The following VPS13B variants were observed in gnomAD, a reference collection of about 807,000 sequenced individuals.
The protein encoded by VPS13B is vacuolar protein sorting 13 homolog B.
A neutral mutation model predicts 426.4 loss-of-function variants in VPS13B; 285 were observed. The observed-to-expected ratio is 0.67, with a 90% CI of 0.61 to 0.74. The LOEUF is 0.74. Ranked by LOEUF, VPS13B falls within the 30% of genes least tolerant of loss-of-function variation. The probability of loss-of-function intolerance (pLI) is 0.00; values close to 1 mark genes in which losing one functional copy is unlikely to be tolerated. For synonymous variants in VPS13B, 1,676 were observed against 1,676.4 expected (o/e 1.00, Z 0.01); for missense variants, 4,537 against 4,782.6 (o/e 0.95, Z 1.51).
intron 3 of VPS13B, among the ~76,000 whole-genome samples, chr8:99,084,836 TG>T: frequency 6.6e-6 from 1 of 152,204 alleles, no homozygotes; most frequent in Non-Finnish European, 1.5e-5. Context: ...TTATAATTAC[TG>T]TTCTTTTACA....
intron 39 of VPS13B, among the ~76,000 whole-genome samples, chr8:99,747,140 T>C (rs953665941): frequency 6.6e-6 from 1 of 152,092 alleles, no homozygotes; most frequent in Non-Finnish European, 1.5e-5. Context: ...CACTAATGAA[T>C]TGAAACAGAA....
chr8:99,432,914 G>C (rs1372393375), intron 22 of VPS13B, among the ~76,000 whole-genome samples: 3 of 152,168 alleles, frequency 2.0e-5, no homozygotes, highest in Non-Finnish European at 4.4e-5. Context: ...ACTGTATTCA[G>C]AGAACATACT....
intron 36 of VPS13B, among the ~76,000 whole-genome samples, chr8:99,710,575 T>G: frequency 6.6e-6 from 1 of 152,162 alleles, no homozygotes; most frequent in East Asian, 1.9e-4. Context: ...AAAGGAAAAT[T>G]AATAACCCTG....
intron 19 of VPS13B, among the ~76,000 whole-genome samples, chr8:99,361,824 A>G (rs1420191440): frequency 6.6e-6 from 1 of 152,204 alleles, no homozygotes; most frequent in Non-Finnish European, 1.5e-5. Context: ...GATTATGATA[A>G]TAATGATGGA....
chr8:99,649,341 T>C (rs2133943928), intron 34 of VPS13B, among the ~76,000 whole-genome samples: 1 of 152,198 alleles, frequency 6.6e-6, no homozygotes, highest in South Asian at 2.1e-4. Context: ...CTCTTTCTCT[T>C]CTCCTTTTGG....
intron 17 of VPS13B, among the ~76,000 whole-genome samples, chr8:99,204,455 A>G (rs1814558073): frequency 6.6e-6 from 1 of 152,254 alleles, no homozygotes; most frequent in South Asian, 2.1e-4. Flanking sequence ...ACAGGCAAAG[A>G]CTTTGTGACT....
chr8:99,121,108 G>A (rs1460421115), intron 7 of VPS13B, 69 bp from the exon 8 acceptor site: 7 of 1,473,810 alleles, frequency 4.7e-6, no homozygotes, highest in Non-Finnish European at 6.4e-6. Context: ...AATTTTAAAG[G>A]ATGTCTATTT....
chr8:99,848,952 A>AC, intron 55 of VPS13B, 58 bp downstream of exon 55: 2 of 1,461,260 alleles, frequency 1.4e-6, no homozygotes, highest in Non-Finnish European at 1.9e-6. Context: ...ACAAAGTTGT[A>AC]AACTTAGTAT....
At chr8:99,463,470 A>G (rs1366431237) in intron 23 of VPS13B, among the ~76,000 whole-genome samples, 3 of 152,166 alleles carry the variant, frequency 2.0e-5, no homozygotes, top group African/African-American at 7.2e-5. Flanking sequence ...TTCATTTCAC[A>G]TTTCCTAACA....
At chr8:99,643,746 A>G (rs1028851406) in intron 34 of VPS13B, among the ~76,000 whole-genome samples, 1 of 152,158 alleles carries the variant, frequency 6.6e-6, no homozygotes, top group South Asian at 2.1e-4. Flanking sequence ...AAACTCAATC[A>G]TATCAGCTCT....
chr8:99,810,410 A>G (rs979112361), intron 44 of VPS13B, among the ~76,000 whole-genome samples: 3 of 152,226 alleles, frequency 2.0e-5, no homozygotes, highest in Admixed American at 6.5e-5. Context: ...TCCCCTATGG[A>G]GCAGCAGGGG....
At chr8:99,165,399 C>A (rs1811945503) in intron 15 of VPS13B, among the ~76,000 whole-genome samples, 1 of 152,030 alleles carries the variant, frequency 6.6e-6, no homozygotes, top group Non-Finnish European at 1.5e-5. Flanking sequence ...GCAAACCCAT[C>A]GTTTGAATAT....
chr8:99,438,827 G>T (rs1160007740), intron 22 of VPS13B, among the ~76,000 whole-genome samples: 1 of 152,130 alleles, frequency 6.6e-6, no homozygotes, highest in Non-Finnish European at 1.5e-5. Context: ...CCTATATACA[G>T]AGATAGTGAA....
chr8:99,778,897 T>C lies in VPS13B; in HGVS notation c.7645T>C (p.Phe2549Leu), dbSNP rs377498258. The C allele has an allele frequency of 7.4e-6, 12 of 1,613,920 alleles. No individual in the cohort carries two copies. The highest frequency in any genetic ancestry group is 5.3e-5 in the African/African-American group (4 of 74,936). ...MQSVVKPFSI[F>L]GQMAVSSDVV... ...AAGTGTGGTGAAACCCTTCAGCATC[T>C]TCGGGCAGATGGCAGTTTCCAGCGA... is the stretch of plus-strand genomic sequence containing the variant. The change falls in exon 42 of 62, where the codon TTC becomes CTC. Residue 2549 changes from phenylalanine to leucine, a missense_variant. By Grantham distance (22) the Phe-to-Leu change is conservative. This residue lies in a region of VPS13B where 4,311 missense variants were observed against 4,474.3 expected (regional missense o/e 0.96). Coordinates refer to ENST00000357162, the MANE Select transcript of VPS13B (RefSeq NM_152564.5).
At chr8:99,758,899 T>C (rs943706369) in intron 39 of VPS13B, among the ~76,000 whole-genome samples, 3 of 152,118 alleles carry the variant, frequency 2.0e-5, no homozygotes, top group Non-Finnish European at 4.4e-5. Flanking sequence ...ATTGCGACCC[T>C]CTGATGTGGA....
chr8:99,290,571 G>C (rs1173769102), intron 19 of VPS13B, among the ~76,000 whole-genome samples: 3 of 151,598 alleles, frequency 2.0e-5, no homozygotes, highest in Non-Finnish European at 4.4e-5. Context: ...GAGTTAATGG[G>C]TGCAGCACAC....
chr8:99,829,734 T>C (rs1814936732), intron 51 of VPS13B, among the ~76,000 whole-genome samples: 1 of 152,242 alleles, frequency 6.6e-6, no homozygotes, highest in African/African-American at 2.4e-5. Flanking sequence ...TTCATGGATT[T>C]ATCTACCTTT....
intron 17 of VPS13B, among the ~76,000 whole-genome samples, chr8:99,238,241 AGTGTGTGTGT>A (rs199541620): frequency 1.3e-5 from 2 of 149,936 alleles, no homozygotes; most frequent in African/African-American, 4.9e-5. Context: ...AGTTTGTGGG[AGTGTGTGTGT>A]GTGTGTGTGT....
chr8:99,653,962 T>C (rs562190757), intron 34 of VPS13B, among the ~76,000 whole-genome samples: 16 of 152,072 alleles, frequency 1.1e-4, no homozygotes, highest in Admixed American at 2.0e-4. Flanking sequence ...GCACTTACCT[T>C]GCATCCAGAG....
Sources: gnomAD v4.1 joint callset for allele counts (sites outside exome capture counted in the v4.1 genomes callset) on GRCh38, gnomAD v4.1.1 for gene constraint, gnomAD v4.1.1 regional missense constraint, MANE v1.5 for transcripts, NCBI Gene and HGNC (gene_info 2026-07-23, HGNC 2026-07-21) for gene names.